The following CCDC169 variants were observed in gnomAD, a reference collection of about 807,000 sequenced individuals.
CCDC169 encodes the protein coiled-coil domain-containing protein 169.
Under a neutral mutation model 36.0 loss-of-function variants are expected in CCDC169, and 30 were observed. The ratio of observed to expected loss-of-function variants is 0.83; its 90% CI spans 0.62 to 1.13. The LOEUF (loss-of-function observed/expected upper bound fraction) is 1.13, where lower values mean the gene tolerates loss of function less well. CCDC169 is among the 50% of genes most tolerant of loss of function. The probability of loss-of-function intolerance (pLI) is 0.00; values close to 1 mark genes in which losing one functional copy is unlikely to be tolerated. For synonymous variants in CCDC169, 85 were observed against 81.5 expected (o/e 1.04, Z -0.23); for missense variants, 245 against 245.9 (o/e 1.00, Z 0.03).
chr13:36,233,238 C>T lies in CCDC169; in HGVS notation c.546-1946G>A, dbSNP rs1405390456. Among the ~76,000 whole-genome samples the T allele has an allele frequency of 1.6e-4, 9 of 55,270 alleles. No individual in the cohort carries two copies. The Admixed American group carries it at 1.8e-3, about 11-fold the overall frequency. 36.3% of individuals were successfully genotyped at this position (55,270 alleles called of 152,430 possible). A position where few individuals can be genotyped will look rare whatever the true frequency, so the allele number is the denominator to read the frequency against. On this transcript the variant is annotated intron_variant, in intron 7 of 7. Transcript: ENST00000239859. ...CTAACTCAGCAGAGACTTCAGTGTC[C>T]ACCCCAACAAAGAATACAGATTTTA... is the stretch of plus-strand genomic sequence containing the variant.
chr13:36,227,308 C>T, downstream of CCDC169: 1 of 1,551,448 alleles, frequency 6.4e-7, no homozygotes, highest in Non-Finnish European at 8.7e-7. Context: ...GGTCCAGCCA[C>T]ACCTGCAGCA....
intron 4 of CCDC169, among the ~76,000 whole-genome samples, chr13:36,279,111 A>C (rs2138593717): frequency 6.8e-6 from 1 of 147,738 alleles, no homozygotes; most frequent in South Asian, 2.2e-4. Flanking sequence ...CTAAAAAAAA[A>C]CCCACCTTCC....
At chr13:36,269,062 C>A (rs1875698807) in intron 4 of CCDC169, among the ~76,000 whole-genome samples, 1 of 151,932 alleles carries the variant, frequency 6.6e-6, no homozygotes, top group South Asian at 2.1e-4. Context: ...TGAGATTGTG[C>A]CACTGCACTC....
rs185452048 is a variant in CCDC169, at chr13:36,238,612, A to G, written c.546-7320T>C. Among the ~76,000 whole-genome samples, 223 of 152,324 alleles carry G rather than the reference A, an allele frequency of 1.5e-3. 2 individuals are homozygous for G. The highest frequency in any genetic ancestry group is 5.2e-3 in the African/African-American group (217 of 41,568). On this transcript the variant is annotated intron_variant, in intron 7 of 7. Transcript: ENST00000239859. ...TTATGTCTAATTAATATAGCTCATT[A>G]TAGATATTTATTATTTATAGTACTA...
chr13:36,262,045 G>C (rs530305805), intron 4 of CCDC169, among the ~76,000 whole-genome samples: 1 of 152,158 alleles, frequency 6.6e-6, no homozygotes. Context: ...TCACATGTCA[G>C]AAACTTTTTC....
chr13:36,224,850 A>C (rs1408080114), downstream of CCDC169: 1 of 152,216 alleles, frequency 6.6e-6, no homozygotes, highest in African/African-American at 2.4e-5. Context: ...TTAATCAAAA[A>C]GGAAAAAGCC....
chr13:36,231,197 G>A lies in CCDC169; in HGVS notation c.641C>T (p.Pro214Leu). Residue 214 changes from proline (P) to leucine (L), a missense_variant, in exon 8 of 8, where the codon CCA becomes CTA. Transcript: ENST00000239859. The stretch of plus-strand genomic sequence containing the variant: ...GAAATCCATCCAGTTCTGGAATCAT[G>A]GATGGAGTTCTGGAAGATGGTTTGG... ...TRPNHLPELH[P>L] 6.4e-7 allele frequency: 1 copy of A among 1,551,000 alleles called. No individual in the cohort carries two copies. The highest frequency in any genetic ancestry group is 1.2e-5 in the South Asian group (1 of 83,976).
intron 6 of CCDC169, among the ~76,000 whole-genome samples, chr13:36,251,316 T>A (rs907121179): frequency 6.6e-6 from 1 of 152,196 alleles, no homozygotes; most frequent in Non-Finnish European, 1.5e-5. Flanking sequence ...CACCGTAGTA[T>A]CCACATGGTT....
intron 4 of CCDC169, among the ~76,000 whole-genome samples, chr13:36,276,845 C>T (rs542605521): frequency 3.3e-5 from 5 of 152,124 alleles, no homozygotes; most frequent in African/African-American, 4.8e-5. Flanking sequence ...GGATATACAT[C>T]CCCTATATCT....
chr13:36,247,161 G>C (rs1239910264), intron 7 of CCDC169, among the ~76,000 whole-genome samples: 2 of 152,102 alleles, frequency 1.3e-5, no homozygotes, highest in African/African-American at 4.8e-5. Flanking sequence ...AATATTTTAA[G>C]CCCAGTGTTG....
intron 7 of CCDC169, chr13:36,244,763 A>C (rs1272137727): frequency 1.3e-5 from 2 of 152,154 alleles, no homozygotes; most frequent in South Asian, 2.1e-4. Flanking sequence ...CTTCTAGTGC[A>C]TCATTGAATA....
At chr13:36,249,423 T>C (rs1002023590) in intron 6 of CCDC169, among the ~76,000 whole-genome samples, 1 of 152,162 alleles carries the variant, frequency 6.6e-6, no homozygotes, top group South Asian at 2.1e-4. Flanking sequence ...GTAAAATGCC[T>C]CACAGATGCT....
chr13:36,233,029 C>A (rs1030530995), intron 7 of CCDC169, among the ~76,000 whole-genome samples: 1 of 152,164 alleles, frequency 6.6e-6, no homozygotes, highest in African/African-American at 2.4e-5. Context: ...AAGCTCTTGC[C>A]TCTGGCTGAC....
In CCDC169 at chr13:36,295,823, G is replaced by T; in HGVS notation, c.118C>A (p.His40Asn). ...AVQLSIFELRHKITELEAKLN... is the reference protein window; with the variant it reads ...AVQLSIFELRNKITELEAKLN... The stretch of plus-strand genomic sequence containing the variant: ...TTGGCTTCCAGTTCCGTAATCTTGT[G>T]TCTTAGTTCAAATATTGAGAGTTGC... Residue 40 changes from histidine to asparagine, a missense_variant, in exon 2 of 8, where the codon CAC becomes AAC. Transcript: ENST00000239859. The T allele has an allele frequency of 6.5e-7, 1 of 1,543,794 alleles. No individual in the cohort carries two copies. The highest frequency in any genetic ancestry group is 8.8e-7 in the Non-Finnish European group (1 of 1,141,342).
At chr13:36,285,558 A>G (rs79456133) in intron 2 of CCDC169, among the ~76,000 whole-genome samples, 2 of 141,876 alleles carry the variant, frequency 1.4e-5, no homozygotes, top group Non-Finnish European at 3.2e-5. Context: ...TCAAAAAAAT[A>G]AAAATTTTTC....
intron 2 of CCDC169, among the ~76,000 whole-genome samples, chr13:36,285,439 A>G (rs1401034308): frequency 6.6e-6 from 1 of 152,026 alleles, no homozygotes; most frequent in Admixed American, 6.6e-5. Flanking sequence ...AATCCCAGCT[A>G]CTCAGGAGGC....
chr13:36,229,050 AT>A, downstream of CCDC169, among the ~76,000 whole-genome samples: 1 of 152,094 alleles, frequency 6.6e-6, no homozygotes, highest in East Asian at 1.9e-4. Context: ...TCTTGTAGGT[AT>A]TTTTTGATAC....
intron 4 of CCDC169, among the ~76,000 whole-genome samples, chr13:36,277,786 A>G (rs9547069): frequency 0.25 from 38,449 of 151,902 alleles, 5,148 homozygotes; most frequent in East Asian, 0.49. Flanking sequence ...CTCCACTAAA[A>G]ATACAAAAAT....
chr13:36,227,662 C>T (rs2138364457), downstream of CCDC169, among the ~76,000 whole-genome samples: 1 of 152,248 alleles, frequency 6.6e-6, no homozygotes, highest in Admixed American at 6.5e-5. Context: ...TTTACAACAA[C>T]TTTACTGAGG....
Sources: gnomAD v4.1 joint callset for allele counts (sites outside exome capture counted in the v4.1 genomes callset) on GRCh38, gnomAD v4.1.1 for gene constraint, MANE v1.5 for transcripts, NCBI Gene and HGNC (gene_info 2026-07-23, HGNC 2026-07-21) for gene names.